The following KCNIP1 variants were observed in gnomAD, a reference collection of about 807,000 sequenced individuals.
KCNIP1 encodes A-type potassium channel modulatory protein KCNIP1.
A neutral mutation model predicts 33.0 loss-of-function variants in KCNIP1; 18 were observed. The observed-to-expected ratio is 0.55, with a 90% CI of 0.38 to 0.81. KCNIP1 has a LOEUF of 0.81. Among genes scored for constraint, KCNIP1 ranks in the 30% least tolerant of loss-of-function variants. KCNIP1 has a pLI of 0.00. For missense variants in KCNIP1, 238 were observed against 271.6 expected (o/e 0.88, Z 0.87); for synonymous variants, 93 against 98.3 (o/e 0.95, Z 0.32).
At chr5:170,561,158 C>T (rs757439282) in intron 1 of KCNIP1, 7 of 454,544 alleles carry the variant, frequency 1.5e-5, no homozygotes, top group African/African-American at 4.0e-5. Context: ...TATGCTCCTT[C>T]GAGGGCTGAG....
rs529550414 is a variant in KCNIP1, at chr5:170,393,138, C to T, written c.88+39174C>T. Among the ~76,000 whole-genome samples the T allele has an allele frequency of 4.6e-5, 7 of 152,262 alleles. No individual in the cohort carries two copies. In the East Asian group the frequency reaches 1.2e-3, roughly 25 times the overall value. On this transcript the variant is annotated intron_variant, in intron 1 of 7. Coordinates refer to the KCNIP1 transcript ENST00000377360. ...ACCTGTGCCCGCTGACTCCACAGCC[C>T]GTCCCTGCCCCTCTGTCACCCCATG...
At chr5:170,593,185 G>A (rs925221149) in intron 1 of KCNIP1, among the ~76,000 whole-genome samples, 5 of 152,182 alleles carry the variant, frequency 3.3e-5, no homozygotes, top group Admixed American at 6.5e-5. Flanking sequence ...GCGTGTACGC[G>A]AGAATAATGT....
chr5:170,394,629 A>T (rs1027700011), intron 1 of KCNIP1, among the ~76,000 whole-genome samples: 1 of 152,200 alleles, frequency 6.6e-6, no homozygotes, highest in African/African-American at 2.4e-5. Flanking sequence ...TTCGGGGGAT[A>T]CACGTGCAGG....
chr5:170,391,151 G>A (rs879402420), intron 1 of KCNIP1, among the ~76,000 whole-genome samples: 2 of 152,170 alleles, frequency 1.3e-5, no homozygotes, highest in Non-Finnish European at 2.9e-5. Context: ...TTCCAAGGAT[G>A]ATCCTCTGTC....
intron 1 of KCNIP1, among the ~76,000 whole-genome samples, chr5:170,712,060 C>A (rs1763465899): frequency 6.6e-6 from 1 of 152,126 alleles, no homozygotes; most frequent in Non-Finnish European, 1.5e-5. Flanking sequence ...ACAAAATAGA[C>A]CCACAAAGGC....
chr5:170,680,609 GT>G (rs1762303506), intron 1 of KCNIP1: 1 of 152,534 alleles, frequency 6.6e-6, no homozygotes, highest in Non-Finnish European at 1.5e-5. Flanking sequence ...TCACTGGGAA[GT>G]GAAGACAAAT....
intron 1 of KCNIP1, among the ~76,000 whole-genome samples, chr5:170,619,355 T>G (rs1045078984): frequency 2.6e-5 from 4 of 152,098 alleles, no homozygotes; most frequent in Admixed American, 2.0e-4. Context: ...TGAGCCTCAG[T>G]TTCCCCTTCT....
chr5:170,712,773 G>A (rs956440395), intron 1 of KCNIP1: 26 of 1,322,520 alleles, frequency 2.0e-5, no homozygotes, highest in Middle Eastern at 1.8e-4. Context: ...CCCTCAGAGC[G>A]GCCTCTCTCC....
intron 1 of KCNIP1, among the ~76,000 whole-genome samples, chr5:170,614,323 C>G (rs934977140): frequency 6.6e-6 from 1 of 152,224 alleles, no homozygotes; most frequent in Non-Finnish European, 1.5e-5. Context: ...TTCAGGGCCC[C>G]CTCCTCACTA....
At chr5:170,528,673 C>G (rs1755672052) in intron 1 of KCNIP1, among the ~76,000 whole-genome samples, 1 of 152,214 alleles carries the variant, frequency 6.6e-6, no homozygotes, top group Non-Finnish European at 1.5e-5. Context: ...CCCCGTCTCT[C>G]TGTTCATAGA....
intron 1 of KCNIP1, among the ~76,000 whole-genome samples, chr5:170,654,421 G>C (rs1761179446): frequency 6.6e-6 from 1 of 152,184 alleles, no homozygotes; most frequent in Non-Finnish European, 1.5e-5. Context: ...TACTATTCTA[G>C]TCACAATAAA....
At chr5:170,383,679 C>A in intron 1 of KCNIP1, 1 of 1,614,142 alleles carries the variant, frequency 6.2e-7, no homozygotes, top group African/African-American at 1.3e-5. Flanking sequence ...AGTTCAGTAC[C>A]TGCTGGTTCT....
chr5:170,578,592 C>G (rs558395125), intron 1 of KCNIP1, among the ~76,000 whole-genome samples: 78 of 152,274 alleles, frequency 5.1e-4, no homozygotes, highest in African/African-American at 1.8e-3. Context: ...CAGCGTTTAT[C>G]TAAGAATGTG....
intron 1 of KCNIP1, among the ~76,000 whole-genome samples, chr5:170,447,340 T>C (rs1371638155): frequency 1.3e-5 from 2 of 152,224 alleles, no homozygotes; most frequent in Admixed American, 6.5e-5. Context: ...ATCTTCCTGT[T>C]TTCTTTATGA....
intron 1 of KCNIP1, among the ~76,000 whole-genome samples, chr5:170,426,438 A>G (rs557692377): frequency 6.6e-6 from 1 of 152,320 alleles, no homozygotes; most frequent in East Asian, 1.9e-4. Context: ...CTGAGAGTTA[A>G]TACTGGGACA....
At chr5:170,638,396 G>C (rs1760385799) in intron 1 of KCNIP1, among the ~76,000 whole-genome samples, 1 of 152,144 alleles carries the variant, frequency 6.6e-6, no homozygotes, top group African/African-American at 2.4e-5. Context: ...AGCATCCCCA[G>C]TTCTCAGTGA....
chr5:170,707,158 C>CAAAAA (rs34331045), intron 1 of KCNIP1, among the ~76,000 whole-genome samples: 27 of 125,548 alleles, frequency 2.2e-4, no homozygotes, highest in Admixed American at 6.9e-4. Context: ...AGTAAATCAT[C>CAAAAA]AAAAAAAAAA....
chr5:170,477,705 G>A (rs1332970328), intron 1 of KCNIP1, among the ~76,000 whole-genome samples: 1 of 152,172 alleles, frequency 6.6e-6, no homozygotes, highest in African/African-American at 2.4e-5. Context: ...GCCTCCCAAA[G>A]TGCTGGGATT....
chr5:170,693,728 C>T (rs1031061418), intron 1 of KCNIP1, among the ~76,000 whole-genome samples: 2 of 152,186 alleles, frequency 1.3e-5, no homozygotes, highest in Non-Finnish European at 2.9e-5. Flanking sequence ...TTGAAAGATC[C>T]CATAAATTCC....
Sources: gnomAD v4.1 joint callset for allele counts (sites outside exome capture counted in the v4.1 genomes callset) on GRCh38, gnomAD v4.1.1 for gene constraint, MANE v1.5 for transcripts, NCBI Gene and HGNC (gene_info 2026-07-23, HGNC 2026-07-21) for gene names.